The following MARCHF3 variants were observed in gnomAD, a reference collection of about 807,000 sequenced individuals.
MARCHF3 encodes the protein E3 ubiquitin-protein ligase MARCHF3.
MARCHF3 carries 13 observed loss-of-function variants against 24.2 expected under a neutral mutation model. The observed-to-expected ratio is 0.54, with a 90% CI of 0.35 to 0.85. The LOEUF is 0.85. MARCHF3 is among the 40% of genes least tolerant of loss of function. The probability of loss-of-function intolerance (pLI) is 0.01; values close to 1 mark genes in which losing one functional copy is unlikely to be tolerated. For missense variants in MARCHF3, 276 were observed against 325.0 expected (o/e 0.85, Z 1.16); for synonymous variants, 144 against 137.3 (o/e 1.05, Z -0.34).
chr5:126,945,129 G>A (rs2126811877), intron 1 of MARCHF3, among the ~76,000 whole-genome samples: 1 of 152,284 alleles, frequency 6.6e-6, no homozygotes, highest in South Asian at 2.1e-4. Context: ...ACAGTGGTGT[G>A]CCACAGCCAG....
At chr5:126,899,249 C>T (rs1438634168) in intron 3 of MARCHF3, 5 of 985,176 alleles carry the variant, frequency 5.1e-6, no homozygotes, top group Non-Finnish European at 4.8e-6. Flanking sequence ...TTCTTATCTT[C>T]CCCCAAATCT....
intron 1 of MARCHF3, among the ~76,000 whole-genome samples, chr5:127,000,174 C>G (rs1324245256): frequency 6.6e-6 from 1 of 151,972 alleles, no homozygotes; most frequent in Non-Finnish European, 1.5e-5. Context: ...TAGCCCCCTC[C>G]CTTTTAGCAT....
intron 1 of MARCHF3, among the ~76,000 whole-genome samples, chr5:127,003,110 C>G (rs1752181039): frequency 6.8e-6 from 1 of 148,066 alleles, no homozygotes; most frequent in African/African-American, 2.5e-5. Flanking sequence ...GTTGAACTGA[C>G]AGTTGAAAGA....
intron 1 of MARCHF3, among the ~76,000 whole-genome samples, chr5:126,930,188 T>G (rs1300085858): frequency 6.6e-6 from 1 of 152,124 alleles, no homozygotes; most frequent in African/African-American, 2.4e-5. Context: ...ACAAAGCAAG[T>G]CAAGGGCATC....
chr5:126,898,189 T>C (rs1753989287), intron 3 of MARCHF3, among the ~76,000 whole-genome samples: 1 of 152,010 alleles, frequency 6.6e-6, no homozygotes. Flanking sequence ...CTTTAAATGG[T>C]GAATTGTATG....
At chr5:126,897,182 G>C (rs1298889273) in intron 3 of MARCHF3, among the ~76,000 whole-genome samples, 1 of 151,786 alleles carries the variant, frequency 6.6e-6, no homozygotes, top group Non-Finnish European at 1.5e-5. Flanking sequence ...TGGGATTACA[G>C]GCATGTGCCA....
At chr5:126,974,428 A>T (rs1751124735) in intron 1 of MARCHF3, among the ~76,000 whole-genome samples, 1 of 152,232 alleles carries the variant, frequency 6.6e-6, no homozygotes, top group Non-Finnish European at 1.5e-5. Context: ...TTGGACCAAA[A>T]GAGCCCTCTG....
intron 1 of MARCHF3, among the ~76,000 whole-genome samples, chr5:127,021,330 A>G (rs1045808899): frequency 6.6e-6 from 1 of 152,240 alleles, no homozygotes; most frequent in African/African-American, 2.4e-5. Context: ...ACATGCAAAA[A>G]GCAGGATGGC....
At chr5:127,020,871 A>T (rs1190232902) in intron 1 of MARCHF3, among the ~76,000 whole-genome samples, 3 of 151,392 alleles carry the variant, frequency 2.0e-5, no homozygotes, top group African/African-American at 7.3e-5. Context: ...AAATAAATAA[A>T]AATAATAAAA....
chr5:126,913,738 T>C (rs1221861049), intron 3 of MARCHF3, among the ~76,000 whole-genome samples: 1 of 152,198 alleles, frequency 6.6e-6, no homozygotes, highest in Non-Finnish European at 1.5e-5. Context: ...AGAGAATGTA[T>C]ACACAGAGCT....
intron 3 of MARCHF3, among the ~76,000 whole-genome samples, chr5:126,914,278 C>T (rs1754643099): frequency 6.6e-6 from 1 of 152,040 alleles, no homozygotes; most frequent in African/African-American, 2.4e-5. Context: ...CCACCGCGCC[C>T]AGCCAAGAGT....
intron 3 of MARCHF3, among the ~76,000 whole-genome samples, chr5:126,903,802 T>A (rs538360272): frequency 6.6e-6 from 1 of 152,120 alleles, no homozygotes; most frequent in East Asian, 1.9e-4. Flanking sequence ...CTGGGCACAC[T>A]TTATTTTATT....
intron 1 of MARCHF3, among the ~76,000 whole-genome samples, chr5:127,021,830 A>G (rs1196974460): frequency 6.6e-6 from 1 of 152,230 alleles, no homozygotes; most frequent in Non-Finnish European, 1.5e-5. Flanking sequence ...AAAAAGTGAC[A>G]AATGTTGACA....
chr5:126,971,895 A>G (rs950041731), intron 1 of MARCHF3, among the ~76,000 whole-genome samples: 22 of 152,290 alleles, frequency 1.4e-4, no homozygotes, highest in Non-Finnish European at 1.0e-4. Flanking sequence ...TTACCATATG[A>G]TTCTTATTTT....
At chr5:126,885,452 A>G (rs529297946) in intron 3 of MARCHF3, among the ~76,000 whole-genome samples, 73 of 152,278 alleles carry the variant, frequency 4.8e-4, no homozygotes, top group African/African-American at 1.8e-3. Context: ...CTGTAATCCC[A>G]GCTACTTGGG....
Position 126,983,702 on chromosome 5 carries a change from T to TGAGGAG in MARCHF3, c.-57+46647_-57+46648insCTCCTC, listed in dbSNP as rs1309029269. 3.0e-3 allele frequency among the ~76,000 whole-genome samples: 451 copies of TGAGGAG among 152,264 alleles called. 1 individual carries two copies. Among genetic ancestry groups the TGAGGAG allele is most frequent in the African/African-American group, 0.01 (436 of 41,532 alleles). On this transcript the variant is annotated intron_variant, in intron 1 of 4. Transcript: ENST00000308660. ...GGCTGAGGAGCCAGGTCCCTCGCTT[T>TGAGGAG]CCAACTTGTCCCTTCCCTCATCCCT...
intron 1 of MARCHF3, among the ~76,000 whole-genome samples, chr5:126,935,283 C>T (rs982424492): frequency 2.6e-5 from 4 of 152,178 alleles, no homozygotes; most frequent in Non-Finnish European, 5.9e-5. Flanking sequence ...TGTGGGTAGG[C>T]CTCCTTCAAT....
At chr5:126,960,303 T>C (rs569479795) in intron 1 of MARCHF3, among the ~76,000 whole-genome samples, 1 of 152,316 alleles carries the variant, frequency 6.6e-6, no homozygotes, top group Admixed American at 6.5e-5. Context: ...CATGATTTAC[T>C]AATTTCGTTC....
intron 1 of MARCHF3, among the ~76,000 whole-genome samples, chr5:126,984,484 A>G (rs967369770): frequency 1.7e-4 from 26 of 152,322 alleles, no homozygotes; most frequent in African/African-American, 6.0e-4. Flanking sequence ...AGGAAACAGG[A>G]TCAGCACAGA....
Sources: gnomAD v4.1 joint callset for allele counts (sites outside exome capture counted in the v4.1 genomes callset) on GRCh38, gnomAD v4.1.1 for gene constraint, MANE v1.5 for transcripts, NCBI Gene and HGNC (gene_info 2026-07-23, HGNC 2026-07-21) for gene names.